The following FRMD4A variants were observed in gnomAD, a reference collection of about 807,000 sequenced individuals.
FRMD4A encodes the protein FERM domain-containing protein 4A.
A neutral mutation model predicts 129.1 loss-of-function variants in FRMD4A; 29 were observed. That is an observed-to-expected ratio of 0.22 (90% CI 0.17 to 0.31). The LOEUF is 0.31. Ranked by LOEUF, FRMD4A falls within the 10% of genes least tolerant of loss-of-function variation. The probability of loss-of-function intolerance (pLI) is 1.00; values close to 1 mark genes in which losing one functional copy is unlikely to be tolerated. For synonymous variants in FRMD4A, 634 were observed against 571.6 expected, an observed-to-expected ratio of 1.11 and a Z score of -1.56; for missense variants, 1,272 against 1,375.8, an observed-to-expected ratio of 0.92 and a Z score of 1.19.
At chr10:13,713,950 C>CATATATAATATATACATATATGTAATAT (rs1564671885) in intron 12 of FRMD4A, among the ~76,000 whole-genome samples, 5 of 80,874 alleles carry the variant, frequency 6.2e-5, no homozygotes, top group African/African-American at 9.1e-5. Context: ...ATATGTAATA[C>CATATATAATATATACATATATGTAATAT]ACACACATAT....
Position 13,659,325 on chromosome 10 carries a change from C to A in FRMD4A, c.2064G>T (p.Thr688=). The change falls in exon 21 of 25, where the codon ACG becomes ACT. Residue 688 remains threonine (T), a splice_region_variant and synonymous_variant. Coordinates refer to ENST00000357447, the MANE Select transcript of FRMD4A (RefSeq NM_018027.5). ...GCAGGAAGGCCAGGCAGACTCACCT[C>A]GTGGAATGGACGTAGTGGGGACTCC... ...RVRSPHYVHS[T]RSVDISPTRL... 1.2e-6 allele frequency: 2 copies of A among 1,613,810 alleles called. No individual in the cohort carries two copies. Among genetic ancestry groups the A allele is most frequent in the East Asian group, 2.2e-5 (1 of 44,888 alleles).
At chr10:13,837,405 TC>T (rs1357139717) in intron 3 of FRMD4A, among the ~76,000 whole-genome samples, 1 of 152,172 alleles carries the variant, frequency 6.6e-6, no homozygotes, top group African/African-American at 2.4e-5. Flanking sequence ...TGCTGGCCTC[TC>T]CCATGACAAG....
intron 2 of FRMD4A, among the ~76,000 whole-genome samples, chr10:14,012,728 G>C (rs973868760): frequency 6.6e-6 from 1 of 152,140 alleles, no homozygotes; most frequent in African/African-American, 2.4e-5. Context: ...CATGCAGCCT[G>C]GTCATTGCAG....
chr10:13,809,838 A>G (rs1335986907), intron 4 of FRMD4A, among the ~76,000 whole-genome samples: 1 of 152,232 alleles, frequency 6.6e-6, no homozygotes, highest in Non-Finnish European at 1.5e-5. Context: ...AATTTGGATA[A>G]TAAGTCATAA....
At chr10:14,124,775 G>A (rs1003780910) in intron 2 of FRMD4A, among the ~76,000 whole-genome samples, 2 of 152,170 alleles carry the variant, frequency 1.3e-5, no homozygotes, top group Non-Finnish European at 2.9e-5. Flanking sequence ...ACCCAGGGGT[G>A]ACTGATCACC....
chr10:13,713,694 T>C (rs541171070), intron 12 of FRMD4A, among the ~76,000 whole-genome samples: 163 of 150,824 alleles, frequency 1.1e-3, no homozygotes, highest in African/African-American at 3.7e-3. Context: ...GAGGACTGGA[T>C]CCCATGTGCC....
At chr10:14,121,120 C>G (rs1421685287) in intron 2 of FRMD4A, among the ~76,000 whole-genome samples, 6 of 152,208 alleles carry the variant, frequency 3.9e-5, no homozygotes, top group Non-Finnish European at 8.8e-5. Flanking sequence ...GTAATCCCAG[C>G]ACTTTGAAAG....
rs59818032 is a variant in FRMD4A at position 13,679,474 on chromosome 10, T to TAC, written c.1118-4432_1118-4431dup. ...AAAAAAAAAAAAATATATATATATA[T>TAC]ACACACACACACACACACACACACA... On this transcript the variant is annotated intron_variant, in intron 15 of 24. Coordinates refer to ENST00000357447, the MANE Select transcript of FRMD4A (RefSeq NM_018027.5). Among the ~76,000 whole-genome samples the TAC allele has an allele frequency of 1.5e-3, 47 of 31,492 alleles. 2 individuals are homozygous for TAC. The East Asian group carries it at 0.037, about 25-fold the overall frequency. 20.7% of individuals were successfully genotyped at this position (31,492 alleles called of 152,430 possible). A position where few individuals can be genotyped will look rare whatever the true frequency, so the allele number is the denominator to read the frequency against.
chr10:14,136,145 G>C (rs73597248), intron 2 of FRMD4A, among the ~76,000 whole-genome samples: 7,111 of 152,206 alleles, frequency 0.047, 573 homozygotes, highest in African/African-American at 0.16. Flanking sequence ...GACAGTGAGA[G>C]AAACTCAGGT....
chr10:13,782,705 G>A (rs1335083783), intron 6 of FRMD4A, among the ~76,000 whole-genome samples: 9 of 152,192 alleles, frequency 5.9e-5, no homozygotes, highest in African/African-American at 2.2e-4. Flanking sequence ...GCCTCCCAAA[G>A]TGTTGGGATT....
intron 12 of FRMD4A, chr10:13,712,153 C>T (rs2088088192): frequency 6.6e-6 from 1 of 152,200 alleles, no homozygotes; most frequent in Non-Finnish European, 1.5e-5. Flanking sequence ...TACAGCAATG[C>T]TTCAATACTC....
intron 2 of FRMD4A, among the ~76,000 whole-genome samples, chr10:14,032,929 A>T (rs1027884472): frequency 2.6e-5 from 4 of 152,222 alleles, no homozygotes; most frequent in Non-Finnish European, 5.9e-5. Context: ...GATATACCCA[A>T]GAGCAATTCA....
intron 6 of FRMD4A, among the ~76,000 whole-genome samples, chr10:13,782,369 G>T (rs1392429368): frequency 1.3e-5 from 2 of 151,638 alleles, no homozygotes; most frequent in African/African-American, 4.9e-5. Context: ...TTAAAATAAG[G>T]TTAGGAAACA....
chr10:14,295,989 A>AT (rs1329099048), intron 2 of FRMD4A, among the ~76,000 whole-genome samples: 2 of 152,082 alleles, frequency 1.3e-5, no homozygotes, highest in African/African-American at 2.4e-5. Context: ...TTTATTAAGA[A>AT]TTTTTTTTCC....
intron 17 of FRMD4A, 103 bp downstream of exon 17, chr10:13,670,303 T>C: frequency 2.5e-6 from 3 of 1,201,252 alleles, no homozygotes; most frequent in Non-Finnish European, 3.6e-6. Context: ...ATACTGGCAT[T>C]AGGCAGAAAT....
intron 23 of FRMD4A, chr10:13,654,107 C>CGAAA: frequency 1.9e-6 from 1 of 516,952 alleles, no homozygotes; most frequent in African/African-American, 2.1e-5. Flanking sequence ...TAATCCAAAC[C>CGAAA]GAAATGAAAT....
chr10:14,207,711 C>T (rs1034680161), intron 2 of FRMD4A, among the ~76,000 whole-genome samples: 2 of 151,940 alleles, frequency 1.3e-5, no homozygotes, highest in Non-Finnish European at 2.9e-5. Flanking sequence ...CACACACACA[C>T]ACACACACGG....
intron 2 of FRMD4A, among the ~76,000 whole-genome samples, chr10:13,988,027 A>G (rs1353906428): frequency 6.6e-6 from 1 of 152,184 alleles, no homozygotes; most frequent in African/African-American, 2.4e-5. Context: ...AGCACATTTG[A>G]TATACGCTAG....
intron 2 of FRMD4A, among the ~76,000 whole-genome samples, chr10:14,001,059 A>C (rs1290478713): frequency 6.6e-6 from 1 of 152,176 alleles, no homozygotes; most frequent in Non-Finnish European, 1.5e-5. Context: ...AGTCACCAGA[A>C]AACACAAAAA....
Sources: allele counts gnomAD v4.1 joint callset (sites outside exome capture counted in the v4.1 genomes callset), GRCh38; gene constraint gnomAD v4.1.1; transcripts MANE v1.5; gene names NCBI Gene and HGNC (gene_info 2026-07-23, HGNC 2026-07-21).